PREX1: variants seen among roughly 807,000 people sequenced by gnomAD.
The protein encoded by PREX1 is phosphatidylinositol 3,4,5-trisphosphate-dependent Rac exchanger 1 protein.
A neutral mutation model predicts 198.3 loss-of-function variants in PREX1; 41 were observed. That is an observed-to-expected ratio of 0.21 (90% CI 0.16 to 0.27). The LOEUF is 0.27. Ranked by LOEUF, PREX1 falls within the 10% of genes least tolerant of loss-of-function variation. PREX1 has a pLI of 1.00. For synonymous variants in PREX1, 843 were observed against 887.2 expected (o/e 0.95, Z 0.89); for missense variants, 1,620 against 2,200.7 (o/e 0.74, Z 5.28).
intron 30 of PREX1, among the ~76,000 whole-genome samples, chr20:48,638,739 C>T (rs943009665): frequency 2.0e-5 from 3 of 152,316 alleles, no homozygotes; most frequent in Middle Eastern, 3.4e-3. Context: ...GGGCACTGAG[C>T]GCATGACCTA....
intron 1 of PREX1, among the ~76,000 whole-genome samples, chr20:48,812,858 G>A (rs574864666): frequency 9.8e-5 from 15 of 152,314 alleles, no homozygotes; most frequent in Non-Finnish European, 1.6e-4. Context: ...AGTGACACGA[G>A]GAAGTATGCA....
rs1601025206 is a variant in PREX1, at chr20:48,629,571, G to A, written c.4644C>T (p.Ser1548=). The A allele has an allele frequency of 6.2e-7, 1 of 1,614,158 alleles. No homozygotes were observed. The highest frequency in any genetic ancestry group is 8.5e-7 in the Non-Finnish European group (1 of 1,179,994). Residue 1548 remains serine (S), a synonymous_variant, in exon 37 of 40, where the codon TCC becomes TCT. Transcript: ENST00000371941. Reference sequence around the variant, plus strand: ...CAGCACCAGGCTTTGGGTGGACAAAGGACTTCATGAGGCGGCAGAGCTCAT... The same window carrying A: ...CAGCACCAGGCTTTGGGTGGACAAAAGACTTCATGAGGCGGCAGAGCTCAT... The part of the protein sequence containing the change: ...ALDELCRLMK[S]FVHPKPGAAG...
At chr20:48,663,543 G>A (rs1406680916) in intron 15 of PREX1, among the ~76,000 whole-genome samples, 1 of 152,202 alleles carries the variant, frequency 6.6e-6, no homozygotes, top group Non-Finnish European at 1.5e-5. Context: ...ACAAACTATG[G>A]CTCACCACCT....
At chr20:48,873,635 G>C in the PREX1 span, among the ~76,000 whole-genome samples, 1 of 151,370 alleles carries the variant, frequency 6.6e-6, no homozygotes, top group African/African-American at 2.4e-5. Flanking sequence ...CAGGAGAATA[G>C]CTTGAACCCT....
At chr20:48,788,142 T>C (rs1461699724) in intron 1 of PREX1, among the ~76,000 whole-genome samples, 3 of 152,310 alleles carry the variant, frequency 2.0e-5, no homozygotes, top group Middle Eastern at 3.4e-3. Context: ...CGTGGGAAGT[T>C]TTCTGTAAGC....
intron 21 of PREX1, among the ~76,000 whole-genome samples, chr20:48,652,254 G>A (rs1265342309): frequency 6.6e-6 from 1 of 150,638 alleles, no homozygotes; most frequent in African/African-American, 2.4e-5. Flanking sequence ...GCAACATAGG[G>A]AGACCTCATC....
At position 48,653,515 on chromosome 20, in the gene PREX1, A is replaced by C. The variant is rs1325234027; in HGVS notation, c.2210-18T>G. ...CTCAGAGCCTAAGGGGAACAGGAGCACATGAGGCTGGATGCCAGGCAAGTA... is the reference window on the plus strand; with the variant it reads ...CTCAGAGCCTAAGGGGAACAGGAGCCCATGAGGCTGGATGCCAGGCAAGTA... On this transcript the variant is annotated intron_variant, in intron 19 of 39. Transcript: ENST00000371941. 6.3e-7 allele frequency: 1 copy of C among 1,594,408 alleles called. No homozygotes were observed. The highest frequency in any genetic ancestry group is 1.3e-5 in the African/African-American group (1 of 74,654).
intron 32 of PREX1, among the ~76,000 whole-genome samples, chr20:48,635,551 A>C (rs2089355530): frequency 6.6e-6 from 1 of 151,996 alleles, no homozygotes; most frequent in Non-Finnish European, 1.5e-5. Flanking sequence ...GGGCCTTTGT[A>C]CATGCTGGTC....
chr20:48,636,744 C>A, intron 31 of PREX1, 61 bp from the exon 32 acceptor site: 2 of 1,424,750 alleles, frequency 1.4e-6, no homozygotes, highest in South Asian at 2.6e-5. Flanking sequence ...AGGAGGCCCA[C>A]CCCCCAAAAC....
At chr20:48,725,603 C>G (rs539298681) in intron 5 of PREX1, among the ~76,000 whole-genome samples, 8 of 152,360 alleles carry the variant, frequency 5.3e-5, no homozygotes, top group African/African-American at 1.7e-4. Context: ...ACTTTGGTCA[C>G]GTGGGGTTCA....
At chr20:48,628,107 G>A (rs937854849) in intron 37 of PREX1, 144 bp from the exon 38 acceptor site, 12 of 629,854 alleles carry the variant, frequency 1.9e-5, no homozygotes, top group Admixed American at 1.4e-4. Context: ...TGACCATCAC[G>A]GCAACGCCTC....
chr20:48,679,536 G>A (rs1479028656), intron 12 of PREX1, 115 bp downstream of exon 12: 2 of 1,373,324 alleles, frequency 1.5e-6, no homozygotes, highest in African/African-American at 1.4e-5. Context: ...GGGGTGAGTT[G>A]TGGGCAGTGG....
chr20:48,656,504 G>C (rs2089544517), intron 18 of PREX1: 1 of 456,596 alleles, frequency 2.2e-6, no homozygotes, highest in Non-Finnish European at 4.4e-6. Context: ...GCTTCCTTCT[G>C]CTCTTCCAAT....
chr20:48,643,802 T>C (rs866541057), intron 27 of PREX1, among the ~76,000 whole-genome samples: 12 of 152,132 alleles, frequency 7.9e-5, no homozygotes, highest in Middle Eastern at 3.2e-3. Context: ...GCCTCCCAAA[T>C]AGCTGGGATT....
chr20:48,825,485 T>C (rs1172863450), intron 1 of PREX1, among the ~76,000 whole-genome samples: 1 of 152,150 alleles, frequency 6.6e-6, no homozygotes, highest in Non-Finnish European at 1.5e-5. Context: ...AATGTGAAAG[T>C]AGAGAAATCT....
chr20:48,637,300 G>GTAGCACCCCCTTGGC (rs1309602696), intron 31 of PREX1, among the ~76,000 whole-genome samples: 1 of 152,214 alleles, frequency 6.6e-6, no homozygotes, highest in African/African-American at 2.4e-5. Flanking sequence ...AGATCCTGCA[G>GTAGCACCCCCTTGGC]TAGCACCCCC....
chr20:48,844,172 T>C, the PREX1 span, among the ~76,000 whole-genome samples: 1 of 152,148 alleles, frequency 6.6e-6, no homozygotes, highest in Non-Finnish European at 1.5e-5. Context: ...TCTCCATCCT[T>C]ATCATATTCA....
At chr20:48,761,856 T>C (rs1238818627) in intron 1 of PREX1, among the ~76,000 whole-genome samples, 1 of 152,200 alleles carries the variant, frequency 6.6e-6, no homozygotes, top group Non-Finnish European at 1.5e-5. Context: ...GGGCCTAAGT[T>C]TGAATATCAG....
At chr20:48,735,592 A>G (rs538225036) in intron 3 of PREX1, among the ~76,000 whole-genome samples, 10 of 152,022 alleles carry the variant, frequency 6.6e-5, no homozygotes, top group Admixed American at 2.0e-4. Context: ...GTACATACCC[A>G]GCACATAGTA....
Sources: gnomAD v4.1 joint callset for allele counts (sites outside exome capture counted in the v4.1 genomes callset) on GRCh38, gnomAD v4.1.1 for gene constraint, MANE v1.5 for transcripts, NCBI Gene and HGNC (gene_info 2026-07-23, HGNC 2026-07-21) for gene names.